The following SLC38A9 variants were observed in gnomAD, a reference collection of about 807,000 sequenced individuals.
SLC38A9 encodes neutral amino acid transporter 9.
SLC38A9 carries 48 observed loss-of-function variants against 62.3 expected under a neutral mutation model. That is an observed-to-expected ratio of 0.77 (90% CI 0.61 to 0.98). The LOEUF (loss-of-function observed/expected upper bound fraction) is 0.98. Ranked by LOEUF, SLC38A9 falls within the 50% of genes least tolerant of loss-of-function variation. SLC38A9 has a pLI of 0.00. For synonymous variants in SLC38A9, 204 were observed against 227.7 expected (o/e 0.90, Z 0.94); for missense variants, 541 against 679.8 (o/e 0.80, Z 2.27).
At chr5:55,685,726 C>T (rs1255187760) in intron 3 of SLC38A9, among the ~76,000 whole-genome samples, 3 of 152,022 alleles carry the variant, frequency 2.0e-5, no homozygotes, top group Admixed American at 2.0e-4. Context: ...TATTTCATCA[C>T]CCAGGCATTA....
At chr5:55,644,504 A>C (rs1442196873) in intron 12 of SLC38A9, among the ~76,000 whole-genome samples, 1 of 151,632 alleles carries the variant, frequency 6.6e-6, no homozygotes, top group African/African-American at 2.4e-5. Context: ...GCTCACTGCA[A>C]CCTCTGCCTC....
At chr5:55,631,629 G>A (rs193146578) in intron 14 of SLC38A9, among the ~76,000 whole-genome samples, 29 of 152,252 alleles carry the variant, frequency 1.9e-4, no homozygotes, top group African/African-American at 6.5e-4. Context: ...CAGTGCTTGA[G>A]ACCTGGTAAC....
At chr5:55,686,046 T>C (rs1356795660) in intron 3 of SLC38A9, among the ~76,000 whole-genome samples, 2 of 152,230 alleles carry the variant, frequency 1.3e-5, no homozygotes, top group African/African-American at 2.4e-5. Flanking sequence ...TTTTGGTTGA[T>C]TCCATGTCTT....
chr5:55,701,907 C>T (rs1330151414), intron 2 of SLC38A9, among the ~76,000 whole-genome samples: 1 of 152,180 alleles, frequency 6.6e-6, no homozygotes, highest in Non-Finnish European at 1.5e-5. Flanking sequence ...CTCTTTACCA[C>T]TATGCTATGC....
Position 55,687,042 on chromosome 5 carries a change from G to A in SLC38A9, c.113+10804C>T, listed in dbSNP as rs868682545. ...ACTCCTGTAATATAATTTGAAGTTG[G>A]ATAGCATGATGCCTCCAGCTTTGTT... On this transcript the variant is annotated intron_variant, in intron 3 of 15. Coordinates refer to ENST00000396865, the MANE Select transcript of SLC38A9 (RefSeq NM_173514.4). Among the ~76,000 whole-genome samples, 9 of 143,818 alleles carry A rather than the reference G, an allele frequency of 6.3e-5. No individual in the cohort carries two copies. In the South Asian group the frequency reaches 2.0e-3, roughly 32 times the overall value. 94.4% of individuals were successfully genotyped at this position (143,818 alleles called of 152,430 possible).
intron 8 of SLC38A9, among the ~76,000 whole-genome samples, chr5:55,660,057 C>T (rs770400764): frequency 8.6e-5 from 13 of 150,638 alleles, no homozygotes; most frequent in South Asian, 2.1e-4. Context: ...TGAGCCACCA[C>T]GCCCGGCTAC....
At chr5:55,652,810 C>T in intron 9 of SLC38A9, 87 bp from the exon 10 acceptor site, 1 of 1,089,440 alleles carries the variant, frequency 9.2e-7, no homozygotes, top group South Asian at 1.9e-5. Context: ...CCTCTAGAGA[C>T]AGACACTTGC....
At chr5:55,690,721 G>C (rs1754608902) in intron 3 of SLC38A9, among the ~76,000 whole-genome samples, 2 of 151,480 alleles carry the variant, frequency 1.3e-5, no homozygotes, top group Admixed American at 1.3e-4. Context: ...CCTATTAATA[G>C]ATAAACTCTT....
intron 3 of SLC38A9, chr5:55,691,043 A>G: frequency 1.6e-6 from 1 of 631,762 alleles, no homozygotes; most frequent in Non-Finnish European, 2.8e-6. Context: ...ACGCTAGAGG[A>G]CATTATAAAA....
chr5:55,678,015 G>A (rs914413275), intron 3 of SLC38A9, among the ~76,000 whole-genome samples: 24 of 149,216 alleles, frequency 1.6e-4, no homozygotes, highest in Non-Finnish European at 5.9e-5. Context: ...GTAAAGTAGA[G>A]CTAGGAGGGT....
In SLC38A9 at chr5:55,664,781, A is replaced by G. The variant is rs4865614; in HGVS notation, c.609T>C (p.Leu203=). The part of the protein sequence containing the change: ...FGSFGQWSSL[L]FSLVSLIGAM... ...CTCCAATGAGAGACACCAAGGAGAA[A>G]AGGAGACTCGACCACTGCCCAAAGG... The change falls in exon 8 of 16, where the codon CTT becomes CTC. Residue 203 remains leucine, a synonymous_variant. Coordinates refer to ENST00000396865, the MANE Select transcript of SLC38A9 (RefSeq NM_173514.4). 1,031,987 of 1,591,492 alleles carry G rather than the reference A, an allele frequency of 0.65. 337,973 individuals are homozygous for G. Among genetic ancestry groups the G allele is most frequent in the South Asian group, 0.69 (60,191 of 86,786 alleles).
Position 55,677,926 on chromosome 5 carries a change from TTGTGTGTGTG to T in SLC38A9, c.114-5241_114-5232del, listed in dbSNP as rs10682261. Among the ~76,000 whole-genome samples, 58 of 112,144 alleles carry T rather than the reference TTGTGTGTGTG, an allele frequency of 5.2e-4. 2 individuals are homozygous for T. Among genetic ancestry groups the T allele is most frequent in the Non-Finnish European group, 5.5e-4 (30 of 55,014 alleles). The allele number at this position is 112,144 out of a possible 152,430, so 73.6% of individuals were successfully genotyped here. On this transcript the variant is annotated intron_variant, in intron 3 of 15. Coordinates refer to ENST00000396865, the MANE Select transcript of SLC38A9 (RefSeq NM_173514.4). Reference sequence around the variant, plus strand: ...TAAATCAATACTTTTTTTTTCTTTATTGTGTGTGTGTGTGTGTGTGTGTGTGTGTGTGTGT... The same window carrying T: ...TAAATCAATACTTTTTTTTTCTTTATTGTGTGTGTGTGTGTGTGTGTGTGT...
At chr5:55,635,450 T>G (rs747047217) in intron 13 of SLC38A9, 94 bp downstream of exon 13, 2 of 878,070 alleles carry the variant, frequency 2.3e-6, no homozygotes, top group Non-Finnish European at 3.8e-6. Context: ...AACCCAGGCC[T>G]ATCTGATGTT....
At chr5:55,698,275 G>A (rs1209541808) in intron 2 of SLC38A9, among the ~76,000 whole-genome samples, 1 of 151,996 alleles carries the variant, frequency 6.6e-6, no homozygotes, top group African/African-American at 2.4e-5. Context: ...TAAAAATACT[G>A]AATAAAATAT....
intron 3 of SLC38A9, among the ~76,000 whole-genome samples, chr5:55,690,800 C>T (rs1754622958): frequency 6.6e-6 from 1 of 152,142 alleles, no homozygotes; most frequent in Non-Finnish European, 1.5e-5. Flanking sequence ...GCTAAGAGGA[C>T]AATCTGAGAT....
chr5:55,639,479 G>C (rs1364268608), intron 12 of SLC38A9, among the ~76,000 whole-genome samples: 1 of 151,962 alleles, frequency 6.6e-6, no homozygotes, highest in Non-Finnish European at 1.5e-5. Flanking sequence ...AGAAGAGGAG[G>C]CCTTTTCTAT....
rs1480392391 is a variant in SLC38A9, at chr5:55,695,046, C to T, written c.113+2800G>A. 2.6e-5 allele frequency among the ~76,000 whole-genome samples: 4 copies of T among 152,112 alleles called. No individual in the cohort carries two copies. The East Asian group carries it at 5.8e-4, about 22-fold the overall frequency. On this transcript the variant is annotated intron_variant, in intron 3 of 15. Coordinates refer to ENST00000396865, the MANE Select transcript of SLC38A9 (RefSeq NM_173514.4). Reference sequence around the variant, plus strand: ...GGGATTACAGGCATGAGCCACCGTGCGTGGCCCAAGAGCTCTTGCAGTAAA... The same window carrying T: ...GGGATTACAGGCATGAGCCACCGTGTGTGGCCCAAGAGCTCTTGCAGTAAA...
chr5:55,681,638 G>T (rs1160919265), intron 3 of SLC38A9, among the ~76,000 whole-genome samples: 1 of 152,114 alleles, frequency 6.6e-6, no homozygotes, highest in South Asian at 2.1e-4. Context: ...GAACTGTGGG[G>T]GTAGACTGAA....
At chr5:55,663,028 G>A (rs920241927) in intron 8 of SLC38A9, among the ~76,000 whole-genome samples, 1 of 151,890 alleles carries the variant, frequency 6.6e-6, no homozygotes, top group African/African-American at 2.4e-5. Flanking sequence ...CCGAGTAGCT[G>A]GGATTATAGG....
Sources: allele counts gnomAD v4.1 joint callset (sites outside exome capture counted in the v4.1 genomes callset), GRCh38; gene constraint gnomAD v4.1.1; transcripts MANE v1.5; gene names NCBI Gene and HGNC (gene_info 2026-07-23, HGNC 2026-07-21).